MLLT1: variants seen among roughly 807,000 people sequenced by gnomAD.
MLLT1 encodes protein ENL.
A neutral mutation model predicts 55.1 loss-of-function variants in MLLT1; 11 were observed. That is an observed-to-expected ratio of 0.20 (90% CI 0.13 to 0.33). The LOEUF is 0.33. Ranked by LOEUF, MLLT1 falls within the 10% of genes least tolerant of loss-of-function variation. The pLI, the probability that MLLT1 is intolerant of heterozygous loss-of-function variation, is 1.00. For missense variants in MLLT1, 536 were observed against 760.6 expected (o/e 0.70, Z 3.47); for synonymous variants, 323 against 320.1 (o/e 1.01, Z -0.10).
chr19:6,260,623 T>C (rs114052357), intron 3 of MLLT1, among the ~76,000 whole-genome samples: 3,864 of 152,358 alleles, frequency 0.025, 149 homozygotes, highest in East Asian at 0.14. Flanking sequence ...GTAGAATGGA[T>C]GCCACCAGTC....
At position 6,212,718 on chromosome 19, in the gene MLLT1, G is replaced by A. The variant is rs997260135; in HGVS notation, c.*324C>T. 3 of 1,150,552 alleles carry A rather than the reference G, an allele frequency of 2.6e-6. No homozygotes were observed. Among genetic ancestry groups the A allele is most frequent in the Non-Finnish European group, 3.2e-6 (3 of 930,570 alleles). The allele number at this position is 1,150,552 out of a possible 1,614,324, so 71.3% of individuals were successfully genotyped here. ...GACGCCGCACAGCCCGCCGAGCAGTGGGGGCTGGTCCCAAGGCTGGGCGAG... is the reference window on the plus strand; with the variant it reads ...GACGCCGCACAGCCCGCCGAGCAGTAGGGGCTGGTCCCAAGGCTGGGCGAG... On this transcript the variant is annotated 3_prime_UTR_variant, in exon 12 of 12. Coordinates refer to ENST00000252674, the MANE Select transcript of MLLT1 (RefSeq NM_005934.4).
rs565712138 is a variant in MLLT1 at position 6,235,335 on chromosome 19, G to A, written c.277-4622C>T. On this transcript the variant is annotated intron_variant, in intron 3 of 11. Transcript: ENST00000252674. The surrounding 1 kb of genome is among the most constrained non-coding windows in gnomAD (Gnocchi z 5.5). Reference sequence around the variant, plus strand: ...GGGACACCAGCAGGAGCCTGGCCACGGTCCTGCCTCCTAGGCCTCAGGTTC... The same window carrying A: ...GGGACACCAGCAGGAGCCTGGCCACAGTCCTGCCTCCTAGGCCTCAGGTTC... 2.0e-5 allele frequency among the ~76,000 whole-genome samples: 3 copies of A among 152,312 alleles called. No homozygotes were observed. In the East Asian group the frequency reaches 5.8e-4, roughly 29 times the overall value.
rs878975438 is a variant in MLLT1 at position 6,227,159 on chromosome 19, G to A, written c.421-57C>T. On this transcript the variant is annotated intron_variant, in intron 4 of 11. Coordinates refer to ENST00000252674, the MANE Select transcript of MLLT1 (RefSeq NM_005934.4). The surrounding 1 kb of genome is among the most constrained non-coding windows in gnomAD (Gnocchi z 5.1). ...TGGGCAGGGGGCAGGGGGCCCACAC[G>A]GGCCGGGCTGAAGGTGGTGGGGCTT... 3.7e-5 allele frequency: 57 copies of A among 1,543,320 alleles called. No individual in the cohort carries two copies. Among genetic ancestry groups the A allele is most frequent in the Non-Finnish European group, 4.7e-5 (54 of 1,147,266 alleles).
chr19:6,227,060 T>G lies in MLLT1; in HGVS notation c.463A>C (p.Ser155Arg). ...GTGGGTAACATGGGGTAGTCGGGAC[T>G]GGGCCTGGACACCGTGTCTGCTCCT... ...PEGADTVSRP[S>R]PDYPMLPTIP... The change falls in exon 5 of 12, where the codon AGT (serine) becomes CGT (arginine). Residue 155 changes from serine (S) to arginine (R), a missense_variant. Ser to Arg is a moderately radical substitution (Grantham distance 110). This residue lies in a region of MLLT1 where 449 missense variants were observed against 489.0 expected (regional missense o/e 0.92). Coordinates refer to ENST00000252674, the MANE Select transcript of MLLT1 (RefSeq NM_005934.4). The surrounding 1 kb of genome is among the most constrained non-coding windows in gnomAD (Gnocchi z 5.1). The G allele has an allele frequency of 6.2e-7, 1 of 1,606,986 alleles. No homozygotes were observed. The highest frequency in any genetic ancestry group is 8.5e-7 in the Non-Finnish European group (1 of 1,177,278).
In MLLT1 at chr19:6,218,404, C is replaced by T. The variant is rs145744209; in HGVS notation, c.1111-363G>A. 6.6e-4 allele frequency among the ~76,000 whole-genome samples: 100 copies of T among 152,324 alleles called. 2 individuals carry two copies. The highest frequency in any genetic ancestry group is 1.0e-3 in the Non-Finnish European group (71 of 68,018). On this transcript the variant is annotated intron_variant, in intron 6 of 11. Transcript: ENST00000252674. The stretch of plus-strand genomic sequence containing the variant: ...CCCACAGGTGGGTGGGCCTTGCCTT[C>T]GTCCAAGAGGGCAGGCATTGACTGG...
chr19:6,253,221 C>T (rs145191620), intron 3 of MLLT1, among the ~76,000 whole-genome samples: 3,113 of 134,744 alleles, frequency 0.023, 130 homozygotes, highest in African/African-American at 0.083. Flanking sequence ...GCCAAGATTG[C>T]GCCACTGCAC....
At position 6,211,636 on chromosome 19, in the gene MLLT1, G is replaced by T. The variant is rs932572384; in HGVS notation, c.*1406C>A. ...CCTCTTTTCCTCATAACTTGGTCAGGGCACAAGGACTTGAAAGGACTTGAA... is the reference window on the plus strand; with the variant it reads ...CCTCTTTTCCTCATAACTTGGTCAGTGCACAAGGACTTGAAAGGACTTGAA... On this transcript the variant is annotated 3_prime_UTR_variant, in exon 12 of 12. Coordinates refer to ENST00000252674, the MANE Select transcript of MLLT1 (RefSeq NM_005934.4). The surrounding 1 kb of genome is among the most constrained non-coding windows in gnomAD (Gnocchi z 4.6). 4 of 1,064,840 alleles carry T rather than the reference G, an allele frequency of 3.8e-6. No individual in the cohort carries two copies. The African/African-American group carries it at 6.6e-5, about 17-fold the overall frequency. The allele number at this position is 1,064,840 out of a possible 1,614,324, so 66.0% of individuals were successfully genotyped here.
At chr19:6,239,782 A>G (rs935031873) in intron 3 of MLLT1, among the ~76,000 whole-genome samples, 1 of 152,032 alleles carries the variant, frequency 6.6e-6, no homozygotes, top group Non-Finnish European at 1.5e-5. Context: ...ACTCACATCC[A>G]CACACCTGTA....
At position 6,235,856 on chromosome 19, in the gene MLLT1, C is replaced by T. The variant is rs150404637; in HGVS notation, c.277-5143G>A. On this transcript the variant is annotated intron_variant, in intron 3 of 11. Transcript: ENST00000252674. The surrounding 1 kb of genome is among the most constrained non-coding windows in gnomAD (Gnocchi z 5.5). ...CTGCCTTCTTCCACGCCTCCTCCAC[C>T]CAGCTCACCCCTTCCTGACCCCCAC... Among the ~76,000 whole-genome samples the T allele has an allele frequency of 4.9e-3, 747 of 152,262 alleles. 9 individuals carry two copies. The highest frequency in any genetic ancestry group is 0.017 in the African/African-American group (709 of 41,556).
At chr19:6,216,701 C>T in intron 7 of MLLT1, 188 bp from the exon 8 acceptor site, 1 of 578,406 alleles carries the variant, frequency 1.7e-6, no homozygotes, top group African/African-American at 1.9e-5. Flanking sequence ...CACCCGCTTC[C>T]CCTAGAACGC....
intron 3 of MLLT1, among the ~76,000 whole-genome samples, chr19:6,243,192 C>T (rs1022823061): frequency 6.6e-6 from 1 of 152,166 alleles, no homozygotes; most frequent in Non-Finnish European, 1.5e-5. Context: ...AAAGAGACCC[C>T]GAGAGCCAGT....
Position 6,222,845 on chromosome 19 carries a change from G to A in MLLT1, c.547-161C>T, listed in dbSNP as rs754294664. Among the ~76,000 whole-genome samples, 2 of 152,224 alleles carry A rather than the reference G, an allele frequency of 1.3e-5. No individual in the cohort carries two copies. Among genetic ancestry groups the A allele is most frequent in the Non-Finnish European group, 2.9e-5 (2 of 68,042 alleles). On this transcript the variant is annotated intron_variant, in intron 5 of 11. Coordinates refer to ENST00000252674, the MANE Select transcript of MLLT1 (RefSeq NM_005934.4). The surrounding 1 kb of genome is among the most constrained non-coding windows in gnomAD (Gnocchi z 4.1). ...AAAGCAAAAAGGTAAGGCAGTAGGTGAGAGTTTTACATGGAGCTGTCCCTT... is the reference window on the plus strand; with the variant it reads ...AAAGCAAAAAGGTAAGGCAGTAGGTAAGAGTTTTACATGGAGCTGTCCCTT...
At chr19:6,228,673 G>A (rs1013295094) in intron 4 of MLLT1, among the ~76,000 whole-genome samples, 1 of 152,184 alleles carries the variant, frequency 6.6e-6, no homozygotes, top group Non-Finnish European at 1.5e-5. Flanking sequence ...GCGGGGGGCT[G>A]GGGTCACCTG....
In MLLT1 at chr19:6,213,417, G is replaced by T. The variant is rs373741076; in HGVS notation, c.1480-9C>A. 20 of 1,609,902 alleles carry T rather than the reference G, an allele frequency of 1.2e-5. No homozygotes were observed. Among genetic ancestry groups the T allele is most frequent in the African/African-American group, 2.7e-5 (2 of 74,900 alleles). On this transcript the variant is annotated splice_polypyrimidine_tract_variant and intron_variant, in intron 10 of 11. Transcript: ENST00000252674. ...AGCTCATCCGTGTAGGCCTGGGGAG[G>T]GGGGGCAGGTCTCAGCAGCGTGTGG...
At chr19:6,218,390 G>A (rs1439265183) in intron 6 of MLLT1, among the ~76,000 whole-genome samples, 1 of 152,246 alleles carries the variant, frequency 6.6e-6, no homozygotes, top group Non-Finnish European at 1.5e-5. Flanking sequence ...CCACAGGTGG[G>A]TGGGCCTTGC....
At chr19:6,255,593 C>T (rs554711910) in intron 3 of MLLT1, among the ~76,000 whole-genome samples, 2 of 152,276 alleles carry the variant, frequency 1.3e-5, no homozygotes, top group South Asian at 2.1e-4. Flanking sequence ...AACCTAAAGA[C>T]TTAATTAAGT....
At position 6,211,936 on chromosome 19, in the gene MLLT1, T is replaced by C. The variant is rs2090777008; in HGVS notation, c.*1106A>G. 8.4e-6 allele frequency: 9 copies of C among 1,065,190 alleles called. No individual in the cohort carries two copies. The highest frequency in any genetic ancestry group is 5.0e-5 in the East Asian group (1 of 20,080). The allele number at this position is 1,065,190 out of a possible 1,614,324, so 66.0% of individuals were successfully genotyped here. A position where few individuals can be genotyped will look rare whatever the true frequency, so the allele number is the denominator to read the frequency against. ...GCCGCGACCAGAGAGAAAGGCAGCC[T>C]GGGAGGGCCAGCCCGGCCAACCCAC... On this transcript the variant is annotated 3_prime_UTR_variant, in exon 12 of 12. Coordinates refer to ENST00000252674, the MANE Select transcript of MLLT1 (RefSeq NM_005934.4). The surrounding 1 kb of genome is among the most constrained non-coding windows in gnomAD (Gnocchi z 4.6).
chr19:6,225,872 G>C (rs775499302), intron 5 of MLLT1, among the ~76,000 whole-genome samples: 8 of 152,240 alleles, frequency 5.3e-5, no homozygotes, highest in Non-Finnish European at 8.8e-5. Flanking sequence ...TGGTAGCTGA[G>C]AGGGACACTG....
intron 1 of MLLT1, among the ~76,000 whole-genome samples, chr19:6,271,228 G>A (rs536353887): frequency 9.2e-5 from 14 of 152,248 alleles, no homozygotes; most frequent in South Asian, 6.2e-4. Context: ...ATGCTCTTCC[G>A]AGCACTTTCA....
Sources: allele counts gnomAD v4.1 joint callset (sites outside exome capture counted in the v4.1 genomes callset), GRCh38; gene constraint gnomAD v4.1.1; regional missense constraint gnomAD v4.1.1; non-coding constraint Gnocchi (gnomAD v3.1); transcripts MANE v1.5; gene names NCBI Gene and HGNC (gene_info 2026-07-23, HGNC 2026-07-21).